CDH13: variants seen among roughly 807,000 people sequenced by gnomAD.
The protein encoded by CDH13 is cadherin 13, also known as cadherin-13.
Under a neutral mutation model 63.8 loss-of-function variants are expected in CDH13, and 24 were observed. That is an observed-to-expected ratio of 0.38 (90% CI 0.27 to 0.53). The LOEUF is 0.53. Ranked by LOEUF, CDH13 falls within the 20% of genes least tolerant of loss-of-function variation. CDH13 has a pLI of 0.85. For synonymous variants in CDH13, 503 were observed against 355.3 expected, an observed-to-expected ratio of 1.42 and a Z score of -4.67; for missense variants, 1,049 against 903.1, an observed-to-expected ratio of 1.16 and a Z score of -2.07.
chr16:82,690,526 G>T (rs917930679), intron 1 of CDH13, among the ~76,000 whole-genome samples: 1 of 152,068 alleles, frequency 6.6e-6, no homozygotes, highest in African/African-American at 2.4e-5. Context: ...AGCTATTCTG[G>T]ATAGAAAATA....
chr16:82,994,674 C>T (rs186393269), intron 2 of CDH13, among the ~76,000 whole-genome samples: 6 of 152,278 alleles, frequency 3.9e-5, no homozygotes, highest in Admixed American at 2.0e-4. Flanking sequence ...ACGTATTAGT[C>T]TTTGACAAAT....
At chr16:82,661,528 G>A (rs571982422) in intron 1 of CDH13, among the ~76,000 whole-genome samples, 1 of 152,340 alleles carries the variant, frequency 6.6e-6, no homozygotes, top group Admixed American at 6.5e-5. Flanking sequence ...TAGCGCAGGT[G>A]TTCCCTTGGT....
intron 10 of CDH13, among the ~76,000 whole-genome samples, chr16:83,711,970 G>T (rs1196174171): frequency 6.6e-6 from 1 of 152,206 alleles, no homozygotes; most frequent in African/African-American, 2.4e-5. Flanking sequence ...GGCAGAGTTG[G>T]TTCCTTCTGA....
intron 5 of CDH13, among the ~76,000 whole-genome samples, chr16:83,265,294 T>C (rs368939805): frequency 1.4e-4 from 22 of 152,192 alleles, no homozygotes; most frequent in African/African-American, 4.8e-4. Context: ...CCAAATCCTT[T>C]CTCTTTTTCC....
intron 7 of CDH13, among the ~76,000 whole-genome samples, chr16:83,569,218 GCTGAT>G (rs758388561): frequency 6.6e-6 from 1 of 151,978 alleles, no homozygotes; most frequent in Admixed American, 6.6e-5. Context: ...GGAGACTCCT[GCTGAT>G]CTTTTCAGAC....
At chr16:83,167,135 C>G (rs2037712767) in intron 4 of CDH13, among the ~76,000 whole-genome samples, 1 of 151,646 alleles carries the variant, frequency 6.6e-6, no homozygotes, top group African/African-American at 2.4e-5. Context: ...TGCAGTGGTA[C>G]TTCCCTGCTA....
intron 8 of CDH13, among the ~76,000 whole-genome samples, chr16:83,628,540 C>T (rs1910520051): frequency 6.6e-6 from 1 of 151,998 alleles, no homozygotes; most frequent in South Asian, 2.1e-4. Context: ...AAGTGTCGTA[C>T]ATCTTTGGGC....
intron 2 of CDH13, among the ~76,000 whole-genome samples, chr16:83,011,105 G>A (rs1451658088): frequency 6.6e-6 from 1 of 152,112 alleles, no homozygotes; most frequent in East Asian, 1.9e-4. Flanking sequence ...CACAATCTTT[G>A]GGGCTCAGTT....
At chr16:83,588,941 G>A (rs986502007) in intron 7 of CDH13, among the ~76,000 whole-genome samples, 2 of 152,150 alleles carry the variant, frequency 1.3e-5, no homozygotes, top group African/African-American at 2.4e-5. Flanking sequence ...TCACCCCCCA[G>A]AGAAGGTGTA....
At chr16:83,411,364 C>G (rs1232776021) in intron 6 of CDH13, among the ~76,000 whole-genome samples, 2 of 152,138 alleles carry the variant, frequency 1.3e-5, no homozygotes, top group African/African-American at 4.8e-5. Flanking sequence ...TACCATCATC[C>G]ACAAGCATCC....
intron 6 of CDH13, chr16:83,397,622 G>A (rs1162871609): frequency 1.3e-5 from 2 of 152,214 alleles, no homozygotes; most frequent in Non-Finnish European, 2.9e-5. Flanking sequence ...GAGGAATTGA[G>A]TTAGAGATAC....
At chr16:82,912,941 T>TAA (rs761888655) in intron 2 of CDH13, among the ~76,000 whole-genome samples, 2 of 129,112 alleles carry the variant, frequency 1.5e-5, no homozygotes, top group African/African-American at 5.7e-5. Flanking sequence ...AGACTGTGAC[T>TAA]AAAAAAAAAA....
chr16:82,775,562 G>T (rs962547737), intron 1 of CDH13, among the ~76,000 whole-genome samples: 1 of 152,120 alleles, frequency 6.6e-6, no homozygotes, highest in African/African-American at 2.4e-5. Flanking sequence ...CAATGCTATG[G>T]GAAAGGTACT....
At chr16:83,749,076 G>C (rs752141689) in intron 11 of CDH13, among the ~76,000 whole-genome samples, 9 of 152,172 alleles carry the variant, frequency 5.9e-5, no homozygotes, top group Non-Finnish European at 1.2e-4. Flanking sequence ...AGTTGGTTTG[G>C]GGACATGTTA....
chr16:83,030,935 A>T (rs1383381452), intron 2 of CDH13, among the ~76,000 whole-genome samples: 1 of 151,872 alleles, frequency 6.6e-6, no homozygotes, highest in Non-Finnish European at 1.5e-5. Flanking sequence ...CATATGGACT[A>T]TTCCATATGG....
intron 6 of CDH13, among the ~76,000 whole-genome samples, chr16:83,346,482 T>A (rs1028740174): frequency 6.6e-5 from 10 of 152,168 alleles, no homozygotes; most frequent in African/African-American, 1.7e-4. Context: ...TTGCTATCTG[T>A]GGTACTCGGG....
Position 83,184,906 on chromosome 16 carries a change from T to C in CDH13, c.484-32439T>C, listed in dbSNP as rs549383556. Among the ~76,000 whole-genome samples the C allele has an allele frequency of 2.4e-3, 345 of 144,968 alleles. 1 individual carries two copies. The highest frequency in any genetic ancestry group is 5.1e-3 in the African/African-American group (196 of 38,136). On this transcript the variant is annotated intron_variant, in intron 4 of 13. Transcript: ENST00000567109. ...CCGTGTGTGTGTGTGTGTGTGTGTG[T>C]GCGTGTGTGTGTGTAGTAGCAGCTT...
chr16:82,814,229 A>G (rs2037592545), intron 1 of CDH13, among the ~76,000 whole-genome samples: 1 of 152,102 alleles, frequency 6.6e-6, no homozygotes, highest in African/African-American at 2.4e-5. Context: ...GAGTGACGGG[A>G]ACATCTGACA....
chr16:82,667,053 C>T (rs920188141), intron 1 of CDH13, among the ~76,000 whole-genome samples: 4 of 152,158 alleles, frequency 2.6e-5, no homozygotes, highest in Admixed American at 1.3e-4. Context: ...TCCAAACTGA[C>T]AAAGGAATCA....
Sources: allele counts gnomAD v4.1 joint callset (sites outside exome capture counted in the v4.1 genomes callset), GRCh38; gene constraint gnomAD v4.1.1; transcripts MANE v1.5; gene names NCBI Gene and HGNC (gene_info 2026-07-23, HGNC 2026-07-21).